Variants in SGMS1 observed in about 807,000 individuals in gnomAD.
SGMS1 encodes the protein sphingomyelin synthase 1, also known as phosphatidylcholine:ceramide cholinephosphotransferase 1.
A neutral mutation model predicts 46.2 loss-of-function variants in SGMS1; 13 were observed. That is an observed-to-expected ratio of 0.28 (90% CI 0.18 to 0.45). SGMS1 has a LOEUF of 0.45. Ranked by LOEUF, SGMS1 falls within the 20% of genes least tolerant of loss-of-function variation. The probability of loss-of-function intolerance (pLI) is 1.00; values close to 1 mark genes in which losing one functional copy is unlikely to be tolerated. For missense variants in SGMS1, 324 were observed against 519.9 expected, an observed-to-expected ratio of 0.62 and a Z score of 3.66; for synonymous variants, 203 against 187.8, an observed-to-expected ratio of 1.08 and a Z score of -0.66.
chr10:50,358,081 A>G (rs1003283602), intron 6 of SGMS1, among the ~76,000 whole-genome samples: 1 of 152,202 alleles, frequency 6.6e-6, no homozygotes, highest in Admixed American at 6.5e-5. Context: ...GGAGTTCATG[A>G]CCAGTCTAGG....
chr10:50,584,485 C>T (rs545348966), intron 2 of SGMS1, among the ~76,000 whole-genome samples: 5 of 127,350 alleles, frequency 3.9e-5, no homozygotes, highest in Admixed American at 2.9e-4. Context: ...GGTGACAGTG[C>T]GAGACTCCAT....
intron 3 of SGMS1, among the ~76,000 whole-genome samples, chr10:50,477,017 C>G (rs1398394333): frequency 6.6e-6 from 1 of 152,252 alleles, no homozygotes; most frequent in East Asian, 1.9e-4. Flanking sequence ...TACTGGGGTA[C>G]TGCCTAGTGG....
At chr10:50,477,890 C>T (rs1383946592) in intron 3 of SGMS1, among the ~76,000 whole-genome samples, 1 of 152,192 alleles carries the variant, frequency 6.6e-6, no homozygotes, top group Non-Finnish European at 1.5e-5. Flanking sequence ...TCCAACAAAA[C>T]TGTGAGCTGA....
chr10:50,603,317 G>A (rs1196376336), intron 1 of SGMS1, among the ~76,000 whole-genome samples: 2 of 152,168 alleles, frequency 1.3e-5, no homozygotes, highest in African/African-American at 4.8e-5. Flanking sequence ...CCCAGGCTGC[G>A]CACCACCAGG....
At position 50,590,241 on chromosome 10, in the gene SGMS1, C is replaced by T. The variant is rs924266595; in HGVS notation, c.-677G>A. On this transcript the variant is annotated 5_prime_UTR_variant, in exon 2 of 11. Coordinates refer to ENST00000361781, the MANE Select transcript of SGMS1 (RefSeq NM_147156.4). ...CCCATTCAGGGATCGTACATGCTGT[C>T]GTCACGCTGCAAGAATAAGCAAAGC... 2.0e-5 allele frequency: 3 copies of T among 152,336 alleles called. No homozygotes were observed. The highest frequency in any genetic ancestry group is 2.1e-4 in the South Asian group (1 of 4,830). The allele number at this position is 152,336 out of a possible 1,614,324, so 9.4% of individuals were successfully genotyped here. A position where few individuals can be genotyped will look rare whatever the true frequency, so the allele number is the denominator to read the frequency against.
Position 50,502,672 on chromosome 10 carries a change from A to C in SGMS1, c.-498+17159T>G, listed in dbSNP as rs553839821. On this transcript the variant is annotated intron_variant, in intron 3 of 10. Transcript: ENST00000361781. ...ACAGGAAAATATTAGGGAAAAAAGA[A>C]GAAGAAGAAATACTTTCCTTTTCAG... Among the ~76,000 whole-genome samples, 26 of 152,342 alleles carry C rather than the reference A, an allele frequency of 1.7e-4. No individual in the cohort carries two copies. In the South Asian group the frequency reaches 5.2e-3, roughly 30 times the overall value.
chr10:50,400,509 G>C (rs1008734801), intron 6 of SGMS1, among the ~76,000 whole-genome samples: 6 of 138,454 alleles, frequency 4.3e-5, no homozygotes, highest in Non-Finnish European at 7.7e-5. Context: ...GCAATGCAGT[G>C]GTATAATCAC....
At chr10:50,463,473 T>A (rs1468836488) in intron 4 of SGMS1, among the ~76,000 whole-genome samples, 1 of 152,130 alleles carries the variant, frequency 6.6e-6, no homozygotes, top group East Asian at 1.9e-4. Context: ...TGAGATATCA[T>A]CTCACACCCA....
intron 8 of SGMS1, among the ~76,000 whole-genome samples, chr10:50,313,105 AT>A (rs1847283110): frequency 6.6e-6 from 1 of 152,262 alleles, no homozygotes; most frequent in South Asian, 2.1e-4. Context: ...TGACTTGGCC[AT>A]GAATAGCATT....
chr10:50,613,902 TAC>T (rs2131934675), intron 1 of SGMS1, among the ~76,000 whole-genome samples: 1 of 152,358 alleles, frequency 6.6e-6, no homozygotes, highest in Admixed American at 6.5e-5. Context: ...CTAAGCTTGG[TAC>T]ACATTGTAGC....
At chr10:50,372,145 C>A (rs766031779) in intron 6 of SGMS1, among the ~76,000 whole-genome samples, 2 of 152,136 alleles carry the variant, frequency 1.3e-5, no homozygotes, top group Non-Finnish European at 2.9e-5. Context: ...GGAGCTAGCA[C>A]GGTGCCCGGC....
chr10:50,479,001 C>G (rs916377836), intron 3 of SGMS1, among the ~76,000 whole-genome samples: 1 of 135,382 alleles, frequency 7.4e-6, no homozygotes, highest in East Asian at 2.1e-4. Context: ...ATCCACCCCC[C>G]AACCAGTTCC....
intron 1 of SGMS1, among the ~76,000 whole-genome samples, chr10:50,596,175 A>ATT (rs71457582): frequency 0.016 from 2,182 of 139,676 alleles, 64 homozygotes; most frequent in African/African-American, 0.045. Flanking sequence ...TTGTATCACG[A>ATT]TTTTTTTTTT....
intron 6 of SGMS1, among the ~76,000 whole-genome samples, chr10:50,358,588 C>G (rs1021795751): frequency 6.6e-6 from 1 of 152,148 alleles, no homozygotes; most frequent in Admixed American, 6.5e-5. Flanking sequence ...ACTCAGGAAG[C>G]TGAGGCATGA....
intron 3 of SGMS1, among the ~76,000 whole-genome samples, chr10:50,473,214 C>G (rs976337287): frequency 6.6e-6 from 1 of 152,146 alleles, no homozygotes; most frequent in African/African-American, 2.4e-5. Flanking sequence ...CTGTCTGGAA[C>G]AGTAATACTC....
At chr10:50,613,740 T>C (rs1232570942) in intron 1 of SGMS1, among the ~76,000 whole-genome samples, 1 of 152,232 alleles carries the variant, frequency 6.6e-6, no homozygotes, top group African/African-American at 2.4e-5. Context: ...CTACAAAATA[T>C]TTAAATTATA....
rs181531794 is a variant in SGMS1 at position 50,473,018 on chromosome 10, A to G, written c.-497-6086T>C. 9.3e-4 allele frequency: 142 copies of G among 152,360 alleles called. 1 individual carries two copies. The highest frequency in any genetic ancestry group is 3.3e-3 in the African/African-American group (139 of 41,580). 9.4% of individuals were successfully genotyped at this position (152,360 alleles called of 1,614,324 possible). Reference sequence around the variant, plus strand: ...AATCTGAATTAGGAATTAGGTAATTACCACCACACTATATTAGAACATAAT... The same window carrying G: ...AATCTGAATTAGGAATTAGGTAATTGCCACCACACTATATTAGAACATAAT... On this transcript the variant is annotated intron_variant, in intron 3 of 10. Coordinates refer to ENST00000361781, the MANE Select transcript of SGMS1 (RefSeq NM_147156.4).
At chr10:50,520,567 T>C (rs1371197930) in intron 2 of SGMS1, among the ~76,000 whole-genome samples, 1 of 152,160 alleles carries the variant, frequency 6.6e-6, no homozygotes, top group African/African-American at 2.4e-5. Flanking sequence ...CCCCAATCAC[T>C]CAGCCAGCAA....
upstream of SGMS1, chr10:50,624,570 G>C (rs1452796034): frequency 1.4e-5 from 14 of 984,492 alleles, no homozygotes; most frequent in Non-Finnish European, 1.7e-5. Context: ...TGAAAACTCC[G>C]ACTGCGTCAG....
Sources: allele counts gnomAD v4.1 joint callset (sites outside exome capture counted in the v4.1 genomes callset), GRCh38; gene constraint gnomAD v4.1.1; transcripts MANE v1.5; gene names NCBI Gene and HGNC (gene_info 2026-07-23, HGNC 2026-07-21).